GIPC1: variants seen among roughly 807,000 people sequenced by gnomAD.
GIPC1 encodes the protein GIPC PDZ domain containing family member 1, also known as PDZ domain-containing protein GIPC1.
GIPC1 carries 15 observed loss-of-function variants against 28.5 expected under a neutral mutation model. That is an observed-to-expected ratio of 0.53 (90% CI 0.35 to 0.81). The LOEUF (loss-of-function observed/expected upper bound fraction) is 0.81. Among genes scored for constraint, GIPC1 ranks in the 30% least tolerant of loss-of-function variants. GIPC1 has a pLI of 0.01. For missense variants in GIPC1, 439 were observed against 481.9 expected, an observed-to-expected ratio of 0.91 and a Z score of 0.83; for synonymous variants, 224 against 206.1, an observed-to-expected ratio of 1.09 and a Z score of -0.74.
At chr19:14,485,781 CTTTTTTTGA>C (rs1193180733) in intron 3 of GIPC1, among the ~76,000 whole-genome samples, 5 of 130,180 alleles carry the variant, frequency 3.8e-5, no homozygotes, top group Non-Finnish European at 8.3e-5. Context: ...TCTTTTTTTT[CTTTTTTTGA>C]GACAGAGTCT....
chr19:14,485,190 A>G (rs1042503374), intron 3 of GIPC1, among the ~76,000 whole-genome samples: 4 of 151,504 alleles, frequency 2.6e-5, no homozygotes, highest in Non-Finnish European at 5.9e-5. Context: ...AATAAATAAA[A>G]GAGTCAGGGT....
At chr19:14,485,720 G>GAC (rs1568365198) in intron 3 of GIPC1, among the ~76,000 whole-genome samples, 8 of 120,368 alleles carry the variant, frequency 6.6e-5, no homozygotes, top group Non-Finnish European at 1.4e-4. Context: ...GAGAGAGAGA[G>GAC]AGAGAGAGAG....
chr19:14,479,427 G>T lies in GIPC1; in HGVS notation c.753C>A (p.Ala251=). The T allele has an allele frequency of 7.1e-7, 1 of 1,411,346 alleles. No individual in the cohort carries two copies. Among genetic ancestry groups the T allele is most frequent in the Non-Finnish European group, 9.3e-7 (1 of 1,076,502 alleles). The allele number at this position is 1,411,346 out of a possible 1,614,324, so 87.4% of individuals were successfully genotyped here. A position where few individuals can be genotyped will look rare whatever the true frequency, so the allele number is the denominator to read the frequency against. ...GAGCACTCACCAGATCCTCCACCGTGGCGGGGCCCCGGGATCGGAGCCGCA... is the reference window on the plus strand; with the variant it reads ...GAGCACTCACCAGATCCTCCACCGTTGCGGGGCCCCGGGATCGGAGCCGCA... The part of the protein sequence containing the change: ...GTLRLRSRGP[A]TVEDLPSAFE... Residue 251 remains alanine (A), a synonymous_variant, in exon 7 of 9, where the codon GCC becomes GCA. Transcript: ENST00000393033.
At chr19:14,495,845 A>G (rs2072064235) in intron 1 of GIPC1, among the ~76,000 whole-genome samples, 192 bp downstream of exon 1, 2 of 151,630 alleles carry the variant, frequency 1.3e-5, no homozygotes, top group Non-Finnish European at 2.9e-5. Flanking sequence ...CGCCAGCAGG[A>G]AGGGAGCTGC....
At chr19:14,489,493 C>T (rs4926220) in intron 3 of GIPC1, 219,898 of 934,464 alleles carry the variant, frequency 0.24, 30,329 homozygotes, top group South Asian at 0.35. Context: ...GGGATTTGAT[C>T]CCTTTATGAA....
intron 4 of GIPC1, chr19:14,481,609 T>C (rs2071730530): frequency 6.7e-6 from 1 of 149,988 alleles, no homozygotes; most frequent in Non-Finnish European, 1.5e-5. Flanking sequence ...TAATCCCAGC[T>C]ACTCGGGAGG....
chr19:14,486,223 A>G (rs1268675322), intron 3 of GIPC1, among the ~76,000 whole-genome samples: 1 of 152,084 alleles, frequency 6.6e-6, no homozygotes, highest in African/African-American at 2.4e-5. Context: ...CACAGGGATC[A>G]CGTTATGCTA....
intron 3 of GIPC1, among the ~76,000 whole-genome samples, chr19:14,483,780 ATAATAATAATAATAATAATAC>A (rs2071782064): frequency 9.1e-6 from 1 of 110,080 alleles, no homozygotes; most frequent in Non-Finnish European, 1.9e-5. Context: ...AATAATAATA[ATAATAATAATAATAATAATAC>A]CAGCTAGGAT....
At chr19:14,492,601 C>T (rs1325496191) in intron 2 of GIPC1, among the ~76,000 whole-genome samples, 7 of 152,096 alleles carry the variant, frequency 4.6e-5, no homozygotes, top group African/African-American at 9.7e-5. Flanking sequence ...CCACTGCACC[C>T]GGCCTTGCTA....
At position 14,489,386 on chromosome 19, in the gene GIPC1, C is replaced by G. The variant is rs763857763; in HGVS notation, c.-31+2270G>C. ...CATCTGTGAGCCCATGGAGTATACA[C>G]CATGAGCAAAGCTCACCCTCCTGAG... On this transcript the variant is annotated intron_variant, in intron 3 of 8. Coordinates refer to ENST00000393033, the MANE Select transcript of GIPC1 (RefSeq NM_005716.4). 6 of 787,590 alleles carry G rather than the reference C, an allele frequency of 7.6e-6. No individual in the cohort carries two copies. In the Middle Eastern group the frequency reaches 1.1e-3, roughly 139 times the overall value. The allele number at this position is 787,590 out of a possible 1,614,324, so 48.8% of individuals were successfully genotyped here. A position where few individuals can be genotyped will look rare whatever the true frequency, so the allele number is the denominator to read the frequency against.
rs2071662507 is a variant in GIPC1, at chr19:14,478,882, C to A, written c.769-117G>T. On this transcript the variant is annotated intron_variant, in intron 7 of 8. Coordinates refer to ENST00000393033, the MANE Select transcript of GIPC1 (RefSeq NM_005716.4). This position sits in a 1 kb window ranked among gnomAD's most constrained non-coding sequence, Gnocchi z 5.2. The stretch of plus-strand genomic sequence containing the variant: ...TTCGTATTTAGACCTCAGGACAACC[C>A]TGAGAAGGTGGTATCGGTGTTCAGC... 2 of 809,696 alleles carry A rather than the reference C, an allele frequency of 2.5e-6. No individual in the cohort carries two copies. The highest frequency in any genetic ancestry group is 4.3e-6 in the Non-Finnish European group (2 of 467,648). 50.2% of individuals were successfully genotyped at this position (809,696 alleles called of 1,614,324 possible). A position where few individuals can be genotyped will look rare whatever the true frequency, so the allele number is the denominator to read the frequency against.
At chr19:14,490,497 G>A (rs937402257) in intron 3 of GIPC1, among the ~76,000 whole-genome samples, 34 of 151,428 alleles carry the variant, frequency 2.2e-4, no homozygotes, top group Non-Finnish European at 4.1e-4. Flanking sequence ...GACCAACATG[G>A]AGAAACCCCA....
chr19:14,493,265 A>C (rs1019123893), intron 1 of GIPC1, among the ~76,000 whole-genome samples: 1 of 152,178 alleles, frequency 6.6e-6, no homozygotes, highest in African/African-American at 2.4e-5. Flanking sequence ...CTCTATTTTA[A>C]AACGTAAACC....
rs1348898275 is a variant in GIPC1, at chr19:14,496,074, G to GC, written c.-213dup. On this transcript the variant is annotated 5_prime_UTR_variant, in exon 1 of 9. Coordinates refer to ENST00000393033, the MANE Select transcript of GIPC1 (RefSeq NM_005716.4). ...CGCCGCCGCCGCCGCCGCCGCCGCC[G>GC]CTGCCTCCGCCTCCCCGTGCGCACC... The GC allele has an allele frequency of 8.3e-5, 20 of 240,546 alleles. No individual in the cohort carries two copies. The highest frequency in any genetic ancestry group is 3.4e-4 in the African/African-American group (13 of 38,306). 14.9% of individuals were successfully genotyped at this position (240,546 alleles called of 1,614,324 possible).
At chr19:14,485,783 T>G (rs2146477773) in intron 3 of GIPC1, among the ~76,000 whole-genome samples, 1 of 149,782 alleles carries the variant, frequency 6.7e-6, no homozygotes, top group South Asian at 2.1e-4. Flanking sequence ...TTTTTTTTCT[T>G]TTTTTGAGAC....
chr19:14,485,758 G>A (rs970678226), intron 3 of GIPC1, among the ~76,000 whole-genome samples: 2 of 148,378 alleles, frequency 1.3e-5, no homozygotes, highest in African/African-American at 5.0e-5. Flanking sequence ...GAGGGAGAGA[G>A]AGAGAAAGGA....
rs1480801975 is a variant in GIPC1 at position 14,478,446 on chromosome 19, G to A, written c.972C>T (p.Ala324=). The A allele has an allele frequency of 1.9e-6, 3 of 1,611,896 alleles. No individual in the cohort carries two copies. The highest frequency in any genetic ancestry group is 2.5e-6 in the Non-Finnish European group (3 of 1,179,220). ...AGCGGCCGACCTTGGCGTCCCCAATGGCGCCCCAGACGTCAAAGACGAACT... is the reference window on the plus strand; with the variant it reads ...AGCGGCCGACCTTGGCGTCCCCAATAGCGCCCCAGACGTCAAAGACGAACT... ...PDEFVFDVWG[A]IGDAKVGRY The change falls in exon 9 of 9, where the codon GCC becomes GCT. Residue 324 remains alanine (A), a synonymous_variant. Coordinates refer to ENST00000393033, the MANE Select transcript of GIPC1 (RefSeq NM_005716.4). This position sits in a 1 kb window ranked among gnomAD's most constrained non-coding sequence, Gnocchi z 5.2.
At chr19:14,492,598 A>G (rs1378049099) in intron 2 of GIPC1, among the ~76,000 whole-genome samples, 1 of 151,890 alleles carries the variant, frequency 6.6e-6, no homozygotes, top group Non-Finnish European at 1.5e-5. Context: ...GAGCCACTGC[A>G]CCCGGCCTTG....
Position 14,480,924 on chromosome 19 carries a change from C to T in GIPC1, c.289-146G>A, listed in dbSNP as rs1053750077. 1.4e-5 allele frequency: 9 copies of T among 628,128 alleles called. No individual in the cohort carries two copies. The African/African-American group carries it at 1.5e-4, about 10-fold the overall frequency. 38.9% of individuals were successfully genotyped at this position (628,128 alleles called of 1,614,324 possible). The stretch of plus-strand genomic sequence containing the variant: ...ACCCACTGAGCCTGAGCCAGGGCCA[C>T]AGCAGGGCCCACATTAGCGTGTCAG... On this transcript the variant is annotated intron_variant, in intron 4 of 8. Transcript: ENST00000393033.
Sources: gnomAD v4.1 joint callset for allele counts (sites outside exome capture counted in the v4.1 genomes callset) on GRCh38, gnomAD v4.1.1 for gene constraint, Gnocchi (gnomAD v3.1) non-coding constraint, MANE v1.5 for transcripts, NCBI Gene and HGNC (gene_info 2026-07-23, HGNC 2026-07-21) for gene names.